NALF1: variants seen among roughly 807,000 people sequenced by gnomAD.
NALF1 encodes the protein NALCN channel auxiliary factor 1.
In NALF1, 3 loss-of-function variants were observed where a neutral mutation model predicts 48.4. The observed-to-expected ratio is 0.06, with a 90% CI of 0.03 to 0.16. NALF1 has a LOEUF of 0.16. Ranked by LOEUF, NALF1 falls within the 10% of genes least tolerant of loss-of-function variation. The pLI is 1.00. For synonymous variants in NALF1, 262 were observed against 245.7 expected, an observed-to-expected ratio of 1.07 and a Z score of -0.62; for missense variants, 526 against 571.5, an observed-to-expected ratio of 0.92 and a Z score of 0.81.
intron 1 of NALF1, among the ~76,000 whole-genome samples, chr13:107,756,758 G>C (rs1877111192): frequency 1.3e-5 from 2 of 151,956 alleles, no homozygotes; most frequent in Admixed American, 1.3e-4. Context: ...GCTCAATGAA[G>C]GCAACAATTA....
chr13:107,515,229 C>T (rs991411547), intron 1 of NALF1, among the ~76,000 whole-genome samples: 1 of 152,068 alleles, frequency 6.6e-6, no homozygotes, highest in African/African-American at 2.4e-5. Flanking sequence ...GCATCTAGTT[C>T]CTGAATGATG....
intron 1 of NALF1, among the ~76,000 whole-genome samples, chr13:107,850,001 T>C (rs1336557533): frequency 6.6e-6 from 1 of 152,238 alleles, no homozygotes; most frequent in Non-Finnish European, 1.5e-5. Flanking sequence ...ACAATTTGTA[T>C]GCAACCTTTG....
At chr13:107,525,765 C>T (rs1876413279) in intron 1 of NALF1, among the ~76,000 whole-genome samples, 1 of 152,062 alleles carries the variant, frequency 6.6e-6, no homozygotes, top group Non-Finnish European at 1.5e-5. Context: ...AGATCTAATG[C>T]TCTGCACATT....
At chr13:107,262,769 G>GCACGCGCTCTCTCTCT (rs36027059) in intron 1 of NALF1, among the ~76,000 whole-genome samples, 1 of 144,036 alleles carries the variant, frequency 6.9e-6, no homozygotes, top group African/African-American at 2.7e-5. Context: ...ACCCACAGGC[G>GCACGCGCTCTCTCTCT]CTCTCTCTCT....
intron 1 of NALF1, among the ~76,000 whole-genome samples, chr13:107,270,574 T>C (rs1594098263): frequency 2.6e-5 from 4 of 152,060 alleles, no homozygotes; most frequent in African/African-American, 7.2e-5. Flanking sequence ...TAAAACTAAA[T>C]TATTTTGATT....
chr13:107,699,548 GA>G (rs1881774318), intron 1 of NALF1, among the ~76,000 whole-genome samples: 1 of 152,124 alleles, frequency 6.6e-6, no homozygotes, highest in African/African-American at 2.4e-5. Flanking sequence ...GTCCCAGTAA[GA>G]GGGGTATGAG....
chr13:107,429,691 G>A (rs1884342115), intron 1 of NALF1, among the ~76,000 whole-genome samples: 1 of 152,148 alleles, frequency 6.6e-6, no homozygotes. Flanking sequence ...TTTGAAACTA[G>A]TAAGAAACAA....
intron 1 of NALF1, among the ~76,000 whole-genome samples, chr13:107,523,391 C>A (rs993104124): frequency 6.6e-6 from 1 of 151,928 alleles, no homozygotes; most frequent in African/African-American, 2.4e-5. Flanking sequence ...TATTATTATA[C>A]TTTAAGTTTT....
Position 107,526,894 on chromosome 13 carries a change from G to C in NALF1, c.916-316139C>G, listed in dbSNP as rs563881417. 1.5e-3 allele frequency among the ~76,000 whole-genome samples: 221 copies of C among 152,272 alleles called. 1 individual carries two copies. The highest frequency in any genetic ancestry group is 5.1e-3 in the African/African-American group (213 of 41,568). On this transcript the variant is annotated intron_variant, in intron 1 of 2. Transcript: ENST00000375915. ...TTTCAGACATGAGACAGCTTGGAAA[G>C]CGTTTGTCTACTAATGACAGGATGA...
chr13:107,371,384 C>T (rs55758128), intron 1 of NALF1, among the ~76,000 whole-genome samples: 1,954 of 152,172 alleles, frequency 0.013, 19 homozygotes, highest in Non-Finnish European at 0.021. Context: ...GAAGTGGAGG[C>T]TGCAGTGACT....
At chr13:107,677,699 A>T (rs564545469) in intron 1 of NALF1, among the ~76,000 whole-genome samples, 11 of 152,198 alleles carry the variant, frequency 7.2e-5, no homozygotes, top group African/African-American at 2.6e-4. Context: ...AAGTATGATC[A>T]AAATATTGCT....
intron 1 of NALF1, among the ~76,000 whole-genome samples, chr13:107,221,202 T>C (rs1304128522): frequency 6.6e-6 from 1 of 152,004 alleles, no homozygotes; most frequent in African/African-American, 2.4e-5. Context: ...AGGTGACCGG[T>C]GCACTAAAAT....
intron 1 of NALF1, among the ~76,000 whole-genome samples, chr13:107,423,877 C>T (rs966322773): frequency 1.3e-5 from 2 of 152,168 alleles, no homozygotes; most frequent in African/African-American, 2.4e-5. Flanking sequence ...TAGAATAATT[C>T]GCCAGGCTGA....
At chr13:107,506,172 T>C (rs1875690747) in intron 1 of NALF1, among the ~76,000 whole-genome samples, 1 of 152,182 alleles carries the variant, frequency 6.6e-6, no homozygotes, top group African/African-American at 2.4e-5. Context: ...TTTGTTGTTG[T>C]CATTGTTAAC....
chr13:107,242,733 G>A (rs1019618252), intron 1 of NALF1, among the ~76,000 whole-genome samples: 9 of 152,040 alleles, frequency 5.9e-5, no homozygotes, highest in Non-Finnish European at 1.0e-4. Flanking sequence ...TATAGTCTCC[G>A]TCTCTCTTTA....
In NALF1 at chr13:107,518,496, C is replaced by T. The variant is rs182282002; in HGVS notation, c.916-307741G>A. On this transcript the variant is annotated intron_variant, in intron 1 of 2. Coordinates refer to ENST00000375915, the MANE Select transcript of NALF1 (RefSeq NM_001080396.3). ...ACTTGGAGATAAATATTGTTTTTCA[C>T]GTGTGCATTTGTCCACCTACTCGAC... 2.6e-5 allele frequency among the ~76,000 whole-genome samples: 4 copies of T among 152,088 alleles called. No homozygotes were observed. In the East Asian group the frequency reaches 7.8e-4, roughly 30 times the overall value.
At chr13:107,187,939 C>T (rs1421377881) in intron 2 of NALF1, among the ~76,000 whole-genome samples, 1 of 152,178 alleles carries the variant, frequency 6.6e-6, no homozygotes, top group African/African-American at 2.4e-5. Flanking sequence ...GTTATAATAG[C>T]ATCCCACTTT....
At chr13:107,860,457 G>A (rs1410633089) in intron 1 of NALF1, among the ~76,000 whole-genome samples, 1 of 152,132 alleles carries the variant, frequency 6.6e-6, no homozygotes, top group Non-Finnish European at 1.5e-5. Context: ...AATCACCAGG[G>A]AGACTTTGAC....
chr13:107,476,916 G>C (rs956887436), intron 1 of NALF1, among the ~76,000 whole-genome samples: 1 of 152,030 alleles, frequency 6.6e-6, no homozygotes, highest in Non-Finnish European at 1.5e-5. Context: ...AAAGTAAGTA[G>C]AGAATTAAAA....
Sources: gnomAD v4.1 joint callset for allele counts (sites outside exome capture counted in the v4.1 genomes callset) on GRCh38, gnomAD v4.1.1 for gene constraint, MANE v1.5 for transcripts, NCBI Gene and HGNC (gene_info 2026-07-23, HGNC 2026-07-21) for gene names.